ASXL3: variants seen among roughly 807,000 people sequenced by gnomAD.
The protein encoded by ASXL3 is ASXL transcriptional regulator 3, also known as putative Polycomb group protein ASXL3.
In ASXL3, 34 loss-of-function variants were observed where a neutral mutation model predicts 170.6. The observed-to-expected ratio is 0.20, with a 90% CI of 0.15 to 0.27. The LOEUF (loss-of-function observed/expected upper bound fraction) is 0.27. Among genes scored for constraint, ASXL3 ranks in the 10% least tolerant of loss-of-function variants. The pLI, the probability that ASXL3 is intolerant of heterozygous loss-of-function variation, is 1.00. For missense variants in ASXL3, 2,592 were observed against 2,695.3 expected, an observed-to-expected ratio of 0.96 and a Z score of 0.85; for synonymous variants, 1,002 against 989.1, an observed-to-expected ratio of 1.01 and a Z score of -0.24.
chr18:33,611,192 G>A (rs2065331811), intron 2 of ASXL3, among the ~76,000 whole-genome samples: 1 of 151,818 alleles, frequency 6.6e-6, no homozygotes, highest in South Asian at 2.1e-4. Context: ...TCATATTATT[G>A]ATGAAATGTG....
chr18:33,685,896 C>G lies in ASXL3; in HGVS notation c.879+2328C>G, dbSNP rs1599492723. ...GAGAGATCTGCCCCCATGAGCCAAA[C>G]ACCTCCCACTAGGCCCACCGCCAGT... On this transcript the variant is annotated intron_variant, in intron 8 of 11. Coordinates refer to ENST00000269197, the MANE Select transcript of ASXL3 (RefSeq NM_030632.3). Among the ~76,000 whole-genome samples the G allele has an allele frequency of 1.3e-5, 2 of 152,332 alleles. 1 individual carries two copies. The highest frequency in any genetic ancestry group is 3.9e-4 in the East Asian group (2 of 5,188).
At chr18:33,700,979 A>G (rs2066864343) in intron 8 of ASXL3, among the ~76,000 whole-genome samples, 1 of 152,112 alleles carries the variant, frequency 6.6e-6, no homozygotes, top group Admixed American at 6.6e-5. Flanking sequence ...GATAGGGGTT[A>G]AAACTTACAG....
At chr18:33,681,992 C>T (rs1357429943) in intron 7 of ASXL3, among the ~76,000 whole-genome samples, 1 of 152,046 alleles carries the variant, frequency 6.6e-6, no homozygotes, top group Non-Finnish European at 1.5e-5. Context: ...ATCTGGTTCT[C>T]CTTAAAATTT....
Position 33,742,908 on chromosome 18 carries a change from G to T in ASXL3, c.3060G>T (p.Gly1020=). The T allele has an allele frequency of 2.5e-6, 4 of 1,589,556 alleles. No homozygotes were observed. The highest frequency in any genetic ancestry group is 3.4e-6 in the Non-Finnish European group (4 of 1,171,124). Residue 1020 remains glycine (G), a synonymous_variant, in exon 12 of 12, where the codon GGG becomes GGT. Transcript: ENST00000269197. ...PPLKIQLSKI[G]PPFIIKSQPV... ...TTTAGATTCAGCTTTCCAAAATTGG[G>T]CCACCTTTTATAATCAAGAGCCAAC... is the stretch of plus-strand genomic sequence containing the variant.
chr18:33,600,476 C>T (rs2145112038), intron 1 of ASXL3, among the ~76,000 whole-genome samples: 1 of 151,726 alleles, frequency 6.6e-6, no homozygotes, highest in Admixed American at 6.6e-5. Context: ...CTGCAAATTT[C>T]TGTAGTAGGA....
At chr18:33,619,461 AC>A (rs1358003330) in intron 2 of ASXL3, among the ~76,000 whole-genome samples, 8 of 149,172 alleles carry the variant, frequency 5.4e-5, no homozygotes, top group African/African-American at 2.0e-4. Context: ...AAAAAAAAAA[AC>A]ATTTCCACAA....
rs2067742065 is a variant in ASXL3 at position 33,744,764 on chromosome 18, C to T, written c.4916C>T (p.Pro1639Leu). 6.2e-7 allele frequency: 1 copy of T among 1,614,022 alleles called. No individual in the cohort carries two copies. The highest frequency in any genetic ancestry group is 8.5e-7 in the Non-Finnish European group (1 of 1,179,898). The stretch of plus-strand genomic sequence containing the variant: ...AAAGAATATCTAGAGCAAAGCTGTC[C>T]AAAGGCTATCAAAACTGAACATGCC... ...KQKEYLEQSC[P>L]KAIKTEHANY... Residue 1639 changes from proline to leucine, a missense_variant, in exon 12 of 12, where the codon CCA (proline) becomes CTA (leucine). This residue lies in a region of ASXL3 where 2,246 missense variants were observed against 2,219.6 expected (regional missense o/e 1.01). Coordinates refer to ENST00000269197, the MANE Select transcript of ASXL3 (RefSeq NM_030632.3).
chr18:33,707,894 T>C (rs1265426505), intron 8 of ASXL3, among the ~76,000 whole-genome samples: 1 of 152,100 alleles, frequency 6.6e-6, no homozygotes, highest in African/African-American at 2.4e-5. Context: ...TCTGTATCTC[T>C]TAAGATGATT....
chr18:33,603,929 C>T (rs1310507514), intron 1 of ASXL3, among the ~76,000 whole-genome samples: 2 of 151,972 alleles, frequency 1.3e-5, no homozygotes, highest in African/African-American at 2.4e-5. Context: ...GATATGTGGC[C>T]AGTGGTTTGT....
chr18:33,716,156 C>A (rs1411839769), intron 8 of ASXL3, among the ~76,000 whole-genome samples: 1 of 152,106 alleles, frequency 6.6e-6, no homozygotes, highest in Non-Finnish European at 1.5e-5. Flanking sequence ...GGATAGAGTG[C>A]AAAAGTAGAT....
intron 2 of ASXL3, among the ~76,000 whole-genome samples, chr18:33,617,579 G>T (rs1460361124): frequency 6.6e-6 from 1 of 152,050 alleles, no homozygotes; most frequent in Non-Finnish European, 1.5e-5. Context: ...AATAGCTGTG[G>T]TGACTGCATG....
intron 8 of ASXL3, among the ~76,000 whole-genome samples, chr18:33,703,046 A>C (rs1442689266): frequency 6.6e-6 from 1 of 152,006 alleles, no homozygotes; most frequent in Non-Finnish European, 1.5e-5. Flanking sequence ...CCAGTTTTTG[A>C]GGTGGTTCAG....
At chr18:33,614,767 A>T (rs1337369600) in intron 2 of ASXL3, 1 of 151,908 alleles carries the variant, frequency 6.6e-6, no homozygotes, top group African/African-American at 2.4e-5. Context: ...CATCTCCCTC[A>T]TCTCTTGGGT....
chr18:33,676,915 G>A (rs1322015905), intron 7 of ASXL3, among the ~76,000 whole-genome samples: 1 of 152,108 alleles, frequency 6.6e-6, no homozygotes, highest in East Asian at 1.9e-4. Context: ...AAATTCTTTA[G>A]TAATATACTC....
At chr18:33,638,021 T>C (rs1010793585) in intron 2 of ASXL3, among the ~76,000 whole-genome samples, 5 of 151,972 alleles carry the variant, frequency 3.3e-5, no homozygotes, top group Non-Finnish European at 7.4e-5. Context: ...CAATAAATGT[T>C]TGTTCAGTGA....
intron 8 of ASXL3, 97 bp from the exon 9 acceptor site, chr18:33,731,871 C>G (rs562816091): frequency 1.2e-6 from 1 of 823,392 alleles, no homozygotes. Context: ...CTCACACATA[C>G]ACTGCCCAAC....
chr18:33,579,866 A>G (rs1413619174), intron 1 of ASXL3, among the ~76,000 whole-genome samples: 1 of 152,124 alleles, frequency 6.6e-6, no homozygotes, highest in African/African-American at 2.4e-5. Flanking sequence ...CTTTGTAAAG[A>G]TTGTTTTACT....
intron 2 of ASXL3, chr18:33,614,164 G>T (rs1378864075): frequency 6.6e-6 from 1 of 152,112 alleles, no homozygotes; most frequent in Non-Finnish European, 1.5e-5. Context: ...TTTACCCATA[G>T]TAGAACTTAG....
intron 8 of ASXL3, among the ~76,000 whole-genome samples, chr18:33,712,848 A>G (rs1206824965): frequency 2.0e-5 from 3 of 152,152 alleles, no homozygotes. Context: ...CTCTCTAATA[A>G]CAGTCTGCAA....
Sources: gnomAD v4.1 joint callset for allele counts (sites outside exome capture counted in the v4.1 genomes callset) on GRCh38, gnomAD v4.1.1 for gene constraint, gnomAD v4.1.1 regional missense constraint, MANE v1.5 for transcripts, NCBI Gene and HGNC (gene_info 2026-07-23, HGNC 2026-07-21) for gene names.